Variants in TIMP3 observed in about 807,000 individuals in gnomAD.
The protein encoded by TIMP3 is metalloproteinase inhibitor 3.
Under a neutral mutation model 30.0 loss-of-function variants are expected in TIMP3, and 11 were observed. The observed-to-expected ratio is 0.37, with a 90% CI of 0.23 to 0.61. TIMP3 has a LOEUF of 0.61. TIMP3 is among the 20% of genes least tolerant of loss of function. TIMP3 has a pLI of 0.70. For synonymous variants in TIMP3, 112 were observed against 111.3 expected, an observed-to-expected ratio of 1.01 and a Z score of -0.04; for missense variants, 181 against 276.8, an observed-to-expected ratio of 0.65 and a Z score of 2.45.
rs540978264 is a variant in TIMP3 at position 32,802,387 on chromosome 22, G to A, written c.121+265G>A. Among the ~76,000 whole-genome samples the A allele has an allele frequency of 3.3e-5, 5 of 152,212 alleles. No homozygotes were observed. In the South Asian group the frequency reaches 8.3e-4, roughly 25 times the overall value. On this transcript the variant is annotated intron_variant, in intron 1 of 4. Coordinates refer to ENST00000266085, the MANE Select transcript of TIMP3 (RefSeq NM_000362.5). ...TAACTTAGGTCGTGAGGTTCCTACC[G>A]GTCCTTTTGACATCTGGAAAATGTC... is the stretch of plus-strand genomic sequence containing the variant.
Position 32,809,364 on chromosome 22 carries a change from C to T in TIMP3, c.121+7242C>T, listed in dbSNP as rs975391131. Among the ~76,000 whole-genome samples, 6 of 152,316 alleles carry T rather than the reference C, an allele frequency of 3.9e-5. No individual in the cohort carries two copies. In the South Asian group the frequency reaches 6.2e-4, roughly 16 times the overall value. On this transcript the variant is annotated intron_variant, in intron 1 of 4. Coordinates refer to ENST00000266085, the MANE Select transcript of TIMP3 (RefSeq NM_000362.5). Reference sequence around the variant, plus strand: ...GGCTCCCCACTGTTGGGGTCCCCGTCAGTCTGCTTATCTTTGGTTTTCTTC... The same window carrying T: ...GGCTCCCCACTGTTGGGGTCCCCGTTAGTCTGCTTATCTTTGGTTTTCTTC...
At chr22:32,844,330 A>G (rs529766610) in intron 1 of TIMP3, among the ~76,000 whole-genome samples, 3 of 152,306 alleles carry the variant, frequency 2.0e-5, no homozygotes, top group Non-Finnish European at 2.9e-5. Context: ...TGGAAACTCA[A>G]TCCCAATTGC....
chr22:32,821,241 C>A (rs1447391979), intron 1 of TIMP3, among the ~76,000 whole-genome samples: 4 of 152,112 alleles, frequency 2.6e-5, no homozygotes, highest in Non-Finnish European at 5.9e-5. Flanking sequence ...TTCCCAATTG[C>A]AAAATGGGAA....
At chr22:32,828,334 A>G (rs2047474216) in intron 1 of TIMP3, among the ~76,000 whole-genome samples, 1 of 152,198 alleles carries the variant, frequency 6.6e-6, no homozygotes, top group Non-Finnish European at 1.5e-5. Context: ...TCTTAGGACA[A>G]CATTCTTTTA....
chr22:32,857,654 G>A (rs945028620), intron 3 of TIMP3, among the ~76,000 whole-genome samples: 14 of 152,082 alleles, frequency 9.2e-5, no homozygotes, highest in African/African-American at 3.4e-4. Context: ...CCTCACACTC[G>A]ACCTGTTAGG....
intron 1 of TIMP3, among the ~76,000 whole-genome samples, chr22:32,809,939 C>T (rs1422450440): frequency 6.6e-6 from 1 of 152,196 alleles, no homozygotes; most frequent in Non-Finnish European, 1.5e-5. Flanking sequence ...CTGCCATTGT[C>T]ACTTCTCCCT....
chr22:32,823,348 G>C lies in TIMP3; in HGVS notation c.121+21226G>C, dbSNP rs112173618. On this transcript the variant is annotated intron_variant, in intron 1 of 4. Transcript: ENST00000266085. The stretch of plus-strand genomic sequence containing the variant: ...GGACCTGCCACAGAGAATGCCGCAA[G>C]GGATGTTTCTGTTGGGAGCTGTGAG... Among the ~76,000 whole-genome samples the C allele has an allele frequency of 4.1e-3, 625 of 152,320 alleles. 2 individuals are homozygous for C. The highest frequency in any genetic ancestry group is 6.8e-3 in the Middle Eastern group (2 of 294).
intron 2 of TIMP3, among the ~76,000 whole-genome samples, chr22:32,852,863 G>A (rs973332773): frequency 6.6e-6 from 1 of 152,196 alleles, no homozygotes; most frequent in Admixed American, 6.5e-5. Context: ...TCTAAGCTGT[G>A]GGGACCTTAT....
intron 1 of TIMP3, among the ~76,000 whole-genome samples, chr22:32,812,706 C>T (rs1436674003): frequency 6.6e-6 from 1 of 152,182 alleles, no homozygotes; most frequent in Non-Finnish European, 1.5e-5. Flanking sequence ...GGAAGTCTGG[C>T]TCAGATGAAC....
At chr22:32,823,759 C>T (rs1460237597) in intron 1 of TIMP3, among the ~76,000 whole-genome samples, 1 of 151,926 alleles carries the variant, frequency 6.6e-6, no homozygotes, top group African/African-American at 2.4e-5. Flanking sequence ...AGTGAAAAGA[C>T]GTGGGGTGCA....
At chr22:32,835,147 T>C (rs1185129821) in intron 1 of TIMP3, among the ~76,000 whole-genome samples, 2 of 152,228 alleles carry the variant, frequency 1.3e-5, no homozygotes, top group African/African-American at 4.8e-5. Context: ...TTGCAGCTAA[T>C]TGCACATACT....
At chr22:32,849,561 G>A (rs370939689) in intron 2 of TIMP3, 27 bp downstream of exon 2, 32 of 1,604,864 alleles carry the variant, frequency 2.0e-5, no homozygotes, top group Non-Finnish European at 2.5e-5. Flanking sequence ...CCCTGGCTCC[G>A]GGAAGGTTTT....
At position 32,846,305 on chromosome 22, in the gene TIMP3, C is replaced by T. The variant is rs2048060888; in HGVS notation, c.122-3147C>T. ...GACTACTTCATCTGTGCTTCTCCAC[C>T]TCTCCCTGAAGTTCTGTAAGGCTAG... On this transcript the variant is annotated intron_variant, in intron 1 of 4. Transcript: ENST00000266085. Among the ~76,000 whole-genome samples, 4 of 152,340 alleles carry T rather than the reference C, an allele frequency of 2.6e-5. No homozygotes were observed. The South Asian group carries it at 6.2e-4, about 24-fold the overall frequency.
chr22:32,859,657 C>A lies in TIMP3; in HGVS notation c.*280C>A. The stretch of plus-strand genomic sequence containing the variant: ...ATGAGGAACCTGTATTCCTCTTCTT[C>A]GTGATAATATAATCTCTATTTTTTT... On this transcript the variant is annotated 3_prime_UTR_variant, in exon 5 of 5. Coordinates refer to ENST00000266085, the MANE Select transcript of TIMP3 (RefSeq NM_000362.5). The A allele has an allele frequency of 2.2e-6, 1 of 452,436 alleles. No individual in the cohort carries two copies. Among genetic ancestry groups the A allele is most frequent in the East Asian group, 4.0e-5 (1 of 25,184 alleles). 28.0% of individuals were successfully genotyped at this position (452,436 alleles called of 1,614,324 possible).
chr22:32,809,265 T>C (rs540613942), intron 1 of TIMP3, among the ~76,000 whole-genome samples: 20 of 152,234 alleles, frequency 1.3e-4, no homozygotes, highest in Non-Finnish European at 1.8e-4. Flanking sequence ...CAGTCTCTCA[T>C]ATAGACCAAG....
intron 2 of TIMP3, among the ~76,000 whole-genome samples, chr22:32,852,537 C>T (rs1276065073): frequency 6.6e-6 from 1 of 152,146 alleles, no homozygotes; most frequent in Non-Finnish European, 1.5e-5. Flanking sequence ...AGACAGTCTA[C>T]CCTAGAGAGT....
At chr22:32,822,851 A>G (rs751485750) in intron 1 of TIMP3, among the ~76,000 whole-genome samples, 11 of 152,250 alleles carry the variant, frequency 7.2e-5, no homozygotes, top group East Asian at 1.9e-4. Flanking sequence ...GTAGTTCTCT[A>G]TTGATGCCAG....
Position 32,860,429 on chromosome 22 carries a change from G to C in TIMP3, c.*1052G>C, listed in dbSNP as rs978791188. On this transcript the variant is annotated 3_prime_UTR_variant, in exon 5 of 5. Transcript: ENST00000266085. ...GGGACATAAGCTAATTTTTTTACAGGACACAGAATTCTGTTCAATGCTGTT... is the reference window on the plus strand; with the variant it reads ...GGGACATAAGCTAATTTTTTTACAGCACACAGAATTCTGTTCAATGCTGTT... 1 of 152,590 alleles carries C rather than the reference G, an allele frequency of 6.6e-6. No homozygotes were observed. The highest frequency in any genetic ancestry group is 1.5e-5 in the Non-Finnish European group (1 of 68,038). The allele number at this position is 152,590 out of a possible 1,614,324, so 9.5% of individuals were successfully genotyped here.
chr22:32,818,424 A>G lies in TIMP3; in HGVS notation c.121+16302A>G, dbSNP rs117972926. Reference sequence around the variant, plus strand: ...CAGTGCCTCCAGAAAATGGGACCCCAGGCCTGGCTCTGCTCCTTCTGCTGT... The same window carrying G: ...CAGTGCCTCCAGAAAATGGGACCCCGGGCCTGGCTCTGCTCCTTCTGCTGT... On this transcript the variant is annotated intron_variant, in intron 1 of 4. Coordinates refer to ENST00000266085, the MANE Select transcript of TIMP3 (RefSeq NM_000362.5). Among the ~76,000 whole-genome samples the G allele has an allele frequency of 4.3e-4, 65 of 152,298 alleles. No individual in the cohort carries two copies. In the East Asian group the frequency reaches 0.01, roughly 24 times the overall value.
Sources: allele counts gnomAD v4.1 joint callset (sites outside exome capture counted in the v4.1 genomes callset), GRCh38; gene constraint gnomAD v4.1.1; transcripts MANE v1.5; gene names NCBI Gene and HGNC (gene_info 2026-07-23, HGNC 2026-07-21).